XKR3: variants seen among roughly 807,000 people sequenced by gnomAD.
XKR3 encodes XK-related protein 3.
A neutral mutation model predicts 40.3 loss-of-function variants in XKR3; 27 were observed. That is an observed-to-expected ratio of 0.67 (90% CI 0.49 to 0.92). The LOEUF is 0.92. XKR3 is among the 40% of genes least tolerant of loss of function. XKR3 has a pLI of 0.00. For synonymous variants in XKR3, 193 were observed against 195.4 expected, an observed-to-expected ratio of 0.99 and a Z score of 0.10; for missense variants, 472 against 537.6, an observed-to-expected ratio of 0.88 and a Z score of 1.21.
chr22:16,792,457 C>T (rs2060124390), intron 3 of XKR3, among the ~76,000 whole-genome samples: 1 of 152,114 alleles, frequency 6.6e-6, no homozygotes, highest in African/African-American at 2.4e-5. Flanking sequence ...AAAAAATTTC[C>T]AACTATAGAT....
At chr22:16,819,254 A>G (rs1445862037) in intron 1 of XKR3, among the ~76,000 whole-genome samples, 1 of 152,164 alleles carries the variant, frequency 6.6e-6, no homozygotes, top group Non-Finnish European at 1.5e-5. Flanking sequence ...TCAAAATCTC[A>G]AAAAGGATTT....
intron 3 of XKR3, among the ~76,000 whole-genome samples, chr22:16,795,580 A>G (rs5748638): frequency 0.14 from 21,306 of 152,146 alleles, 1,536 homozygotes; most frequent in Middle Eastern, 0.19. Flanking sequence ...GATGCAAAAT[A>G]AATATAAAAG....
chr22:16,789,994 T>C (rs2060107229), intron 3 of XKR3, among the ~76,000 whole-genome samples: 1 of 152,002 alleles, frequency 6.6e-6, no homozygotes, highest in Non-Finnish European at 1.5e-5. Flanking sequence ...CTAAAAAGCC[T>C]ATAGTGCAGT....
At chr22:16,791,813 AAGAGAG>A (rs147511169) in intron 3 of XKR3, among the ~76,000 whole-genome samples, 1 of 34,920 alleles carries the variant, frequency 2.9e-5, no homozygotes, top group South Asian at 1.1e-3. Flanking sequence ...GAGAGAGAGA[AAGAGAG>A]AGAGAGAGAG....
At chr22:16,792,605 T>G (rs1445917436) in intron 3 of XKR3, among the ~76,000 whole-genome samples, 1 of 152,250 alleles carries the variant, frequency 6.6e-6, no homozygotes, top group East Asian at 1.9e-4. Context: ...TCATTTGGTT[T>G]GAATGCCCAC....
At chr22:16,786,256 G>GCACACACACACACACA (rs750668264) in intron 3 of XKR3, among the ~76,000 whole-genome samples, 18,110 of 148,522 alleles carry the variant, frequency 0.12, 1,333 homozygotes, top group Middle Eastern at 0.19. Flanking sequence ...CAAAACGCGT[G>GCACACACACACACACA]CACACACACA....
intron 1 of XKR3, among the ~76,000 whole-genome samples, chr22:16,815,059 G>T (rs1319539796): frequency 6.6e-6 from 1 of 151,808 alleles, no homozygotes; most frequent in Non-Finnish European, 1.5e-5. Context: ...ATGCATTCAG[G>T]TTTTTGCATT....
At chr22:16,800,371 G>A (rs1221433131) in intron 2 of XKR3, among the ~76,000 whole-genome samples, 7 of 152,214 alleles carry the variant, frequency 4.6e-5, no homozygotes, top group Admixed American at 1.3e-4. Flanking sequence ...TTTCTAATGC[G>A]TTAATATTCT....
chr22:16,799,441 C>T (rs1391594083), intron 3 of XKR3, among the ~76,000 whole-genome samples: 2 of 77,702 alleles, frequency 2.6e-5, no homozygotes, highest in Non-Finnish European at 5.1e-5. Context: ...AAAAGCAATG[C>T]TGTTTATACA....
At chr22:16,809,946 CTCT>C (rs1157024148) in intron 1 of XKR3, among the ~76,000 whole-genome samples, 7 of 152,112 alleles carry the variant, frequency 4.6e-5, no homozygotes, top group African/African-American at 1.7e-4. Context: ...GAGACAGGGT[CTCT>C]TCATATTGCC....
At chr22:16,793,610 G>A (rs1281959494) in intron 3 of XKR3, among the ~76,000 whole-genome samples, 1 of 152,064 alleles carries the variant, frequency 6.6e-6, no homozygotes, top group Non-Finnish European at 1.5e-5. Context: ...CTTCTTATCT[G>A]AGGAATTTAA....
intron 3 of XKR3, among the ~76,000 whole-genome samples, chr22:16,792,454 T>A: frequency 6.6e-6 from 1 of 152,236 alleles, no homozygotes; most frequent in African/African-American, 2.4e-5. Context: ...GTAAAAAAAT[T>A]TCCAACTATA....
At chr22:16,811,033 T>C (rs1217009536) in intron 1 of XKR3, among the ~76,000 whole-genome samples, 1 of 152,194 alleles carries the variant, frequency 6.6e-6, no homozygotes, top group Non-Finnish European at 1.5e-5. Flanking sequence ...TACATGGATA[T>C]TTGTCTTTTC....
intron 1 of XKR3, among the ~76,000 whole-genome samples, chr22:16,813,614 C>T (rs1003320789): frequency 3.3e-5 from 5 of 152,008 alleles, no homozygotes; most frequent in Non-Finnish European, 5.9e-5. Context: ...TCAACCTAGG[C>T]CCACCTCCAC....
At position 16,812,731 on chromosome 22, in the gene XKR3, A is replaced by C. The variant is rs576794407; in HGVS notation, c.-10-4648T>G. Among the ~76,000 whole-genome samples the C allele has an allele frequency of 7.9e-5, 12 of 152,280 alleles. No homozygotes were observed. The South Asian group carries it at 2.1e-3, about 26-fold the overall frequency. ...TCGGTGATTTTCAAGGTATTCACAA[A>C]GTTGTACAAACATCACCACTACTTA... On this transcript the variant is annotated intron_variant, in intron 1 of 3. Coordinates refer to ENST00000684488, the MANE Select transcript of XKR3 (RefSeq NM_001386955.1).
intron 1 of XKR3, among the ~76,000 whole-genome samples, chr22:16,821,169 C>G (rs1238970611): frequency 6.6e-6 from 1 of 151,974 alleles, no homozygotes; most frequent in African/African-American, 2.4e-5. Flanking sequence ...GACTTTCAAC[C>G]CACAATTTAA....
chr22:16,786,293 G>C (rs1268409407), intron 3 of XKR3, among the ~76,000 whole-genome samples: 1 of 103,076 alleles, frequency 9.7e-6, no homozygotes, highest in African/African-American at 3.4e-5. Flanking sequence ...AATTTAGCCA[G>C]GCATGGTGGC....
At chr22:16,810,836 C>A (rs1196034082) in intron 1 of XKR3, among the ~76,000 whole-genome samples, 1 of 152,138 alleles carries the variant, frequency 6.6e-6, no homozygotes, top group Non-Finnish European at 1.5e-5. Flanking sequence ...TTGGTCAGGG[C>A]CCCAATACAT....
chr22:16,821,862 A>G (rs989143355), intron 1 of XKR3, among the ~76,000 whole-genome samples: 50 of 152,100 alleles, frequency 3.3e-4, no homozygotes, highest in Non-Finnish European at 1.3e-4. Context: ...GTTCAAACAA[A>G]CTATGCTATA....
Sources: gnomAD v4.1 joint callset for allele counts (sites outside exome capture counted in the v4.1 genomes callset) on GRCh38, gnomAD v4.1.1 for gene constraint, MANE v1.5 for transcripts, NCBI Gene and HGNC (gene_info 2026-07-23, HGNC 2026-07-21) for gene names.